SUPT3H: variants seen among roughly 807,000 people sequenced by gnomAD.
SUPT3H encodes the protein SPT3 homolog, SAGA and STAGA complex component.
A neutral mutation model predicts 44.3 loss-of-function variants in SUPT3H; 44 were observed. The observed-to-expected ratio is 0.99, with a 90% CI of 0.78 to 1.28. SUPT3H has a LOEUF of 1.28. Among genes scored for constraint, SUPT3H ranks in the 50% most tolerant of loss-of-function variants. SUPT3H has a pLI of 0.00. For synonymous variants in SUPT3H, 124 were observed against 125.6 expected, an observed-to-expected ratio of 0.99 and a Z score of 0.09; for missense variants, 380 against 387.1, an observed-to-expected ratio of 0.98 and a Z score of 0.15.
chr6:45,068,802 A>T (rs1164886339), intron 3 of SUPT3H, among the ~76,000 whole-genome samples: 1 of 152,070 alleles, frequency 6.6e-6, no homozygotes, highest in Non-Finnish European at 1.5e-5. Context: ...CAATTGTAAC[A>T]TGTTGCCACA....
At chr6:45,214,171 G>A (rs1264369650) in intron 2 of SUPT3H, among the ~76,000 whole-genome samples, 2 of 151,512 alleles carry the variant, frequency 1.3e-5, no homozygotes, top group East Asian at 3.9e-4. Flanking sequence ...CAGCTCAGAA[G>A]GAAAAAATCA....
At chr6:44,918,603 T>C (rs1768168623) in intron 10 of SUPT3H, among the ~76,000 whole-genome samples, 3 of 152,098 alleles carry the variant, frequency 2.0e-5, no homozygotes, top group African/African-American at 4.8e-5. Flanking sequence ...ATTTAACCAA[T>C]AAGATGATTT....
intron 10 of SUPT3H, among the ~76,000 whole-genome samples, chr6:44,890,158 G>A (rs1316115597): frequency 1.1e-3 from 166 of 151,120 alleles, no homozygotes; most frequent in Non-Finnish European, 1.3e-3. Flanking sequence ...TACACTGCTG[G>A]TGGGACTGTA....
intron 6 of SUPT3H, among the ~76,000 whole-genome samples, chr6:44,975,828 C>G (rs932271623): frequency 6.6e-6 from 1 of 151,732 alleles, no homozygotes; most frequent in African/African-American, 2.4e-5. Context: ...AAATGATGAG[C>G]TCATTATTAA....
intron 11 of SUPT3H, among the ~76,000 whole-genome samples, chr6:44,818,218 C>T (rs986347682): frequency 3.3e-5 from 5 of 151,976 alleles, no homozygotes; most frequent in African/African-American, 9.6e-5. Flanking sequence ...GTTTTCTCAA[C>T]GAGTGGTATT....
downstream of SUPT3H, among the ~76,000 whole-genome samples, chr6:44,823,420 T>A (rs953763578): frequency 5.4e-4 from 82 of 152,160 alleles, no homozygotes; most frequent in African/African-American, 1.9e-3. Flanking sequence ...TTTTGCATAC[T>A]GCTAACAGAA....
intron 2 of SUPT3H, among the ~76,000 whole-genome samples, chr6:45,198,231 T>C (rs1472494993): frequency 1.3e-5 from 2 of 151,318 alleles, no homozygotes; most frequent in Non-Finnish European, 3.0e-5. Flanking sequence ...GGAATACATA[T>C]TCTAGTGATG....
At chr6:45,158,298 A>ATATATATATATATTT in intron 2 of SUPT3H, among the ~76,000 whole-genome samples, 6 of 99,686 alleles carry the variant, frequency 6.0e-5, no homozygotes, top group African/African-American at 3.0e-4. Context: ...ATATATATAT[A>ATATATATATATATTT]TTTTTTTTTT....
intron 9 of SUPT3H, among the ~76,000 whole-genome samples, chr6:44,933,762 G>C (rs1274018295): frequency 6.6e-6 from 1 of 152,168 alleles, no homozygotes. Flanking sequence ...TCTGGCCTCA[G>C]CCTCTGAAGT....
Position 45,234,664 on chromosome 6 carries a change from T to G in SUPT3H, c.102-128658A>C, listed in dbSNP as rs1286566162. Among the ~76,000 whole-genome samples, 4 of 152,210 alleles carry G rather than the reference T, an allele frequency of 2.6e-5. No individual in the cohort carries two copies. In the East Asian group the frequency reaches 7.7e-4, roughly 29 times the overall value. The stretch of plus-strand genomic sequence containing the variant: ...ACTGCTGCAATTTTTAAAAACTTAT[T>G]TTTTCCTTACCTAGTCACAACCCTT... On this transcript the variant is annotated intron_variant, in intron 2 of 10. Transcript: ENST00000371459.
chr6:45,343,753 C>G (rs547727676), intron 2 of SUPT3H, among the ~76,000 whole-genome samples: 1 of 152,310 alleles, frequency 6.6e-6, no homozygotes, highest in South Asian at 2.1e-4. Flanking sequence ...GTTCCTGAGA[C>G]AGCTATCCAG....
At chr6:44,897,603 G>T (rs916830213) in intron 10 of SUPT3H, among the ~76,000 whole-genome samples, 1 of 152,054 alleles carries the variant, frequency 6.6e-6, no homozygotes, top group African/African-American at 2.4e-5. Flanking sequence ...CTAAGCAAAG[G>T]CCATGCTTCC....
intron 11 of SUPT3H, among the ~76,000 whole-genome samples, chr6:44,819,985 A>G (rs1422407669): frequency 1.3e-5 from 2 of 152,090 alleles, no homozygotes; most frequent in Non-Finnish European, 2.9e-5. Flanking sequence ...CACTTTGGGA[A>G]GACAAGGTGG....
At chr6:45,252,016 G>A (rs2153653115) in intron 2 of SUPT3H, among the ~76,000 whole-genome samples, 1 of 152,246 alleles carries the variant, frequency 6.6e-6, no homozygotes, top group Middle Eastern at 3.4e-3. Flanking sequence ...TGAGGGAGTG[G>A]AAATAAGAAA....
intron 3 of SUPT3H, among the ~76,000 whole-genome samples, chr6:45,103,975 T>C (rs72869127): frequency 0.22 from 33,230 of 152,006 alleles, 4,439 homozygotes; most frequent in Non-Finnish European, 0.31. Flanking sequence ...TAGAATTCCA[T>C]GTAGGGAAGA....
rs969869912 is a variant in SUPT3H, at chr6:44,847,958, C to CTTT, written c.913-18104_913-18102dup. 1.4e-3 allele frequency among the ~76,000 whole-genome samples: 80 copies of CTTT among 58,394 alleles called. 13 individuals are homozygous for CTTT. Among genetic ancestry groups the CTTT allele is most frequent in the African/African-American group, 3.6e-3 (52 of 14,616 alleles). 38.3% of individuals were successfully genotyped at this position (58,394 alleles called of 152,430 possible). ...CTAGTGTTGACAGTTATCTCTGTGT[C>CTTT]TTTTTTTTTTTTTTTTTTTTTTTTT... On this transcript the variant is annotated intron_variant, in intron 10 of 10. Coordinates refer to ENST00000371459, the MANE Select transcript of SUPT3H (RefSeq NM_003599.4).
intron 2 of SUPT3H, among the ~76,000 whole-genome samples, chr6:45,358,027 G>A (rs1793555113): frequency 6.6e-6 from 1 of 151,976 alleles, no homozygotes; most frequent in African/African-American, 2.4e-5. Context: ...ACTTGCCAAA[G>A]TAGCCAAAAA....
chr6:44,854,202 TA>T (rs1345099836), intron 10 of SUPT3H, among the ~76,000 whole-genome samples: 2 of 152,010 alleles, frequency 1.3e-5, no homozygotes, highest in African/African-American at 4.8e-5. Flanking sequence ...AACAGGGGAA[TA>T]AAAATGAATG....
chr6:45,015,696 T>C (rs994845305), intron 4 of SUPT3H, among the ~76,000 whole-genome samples: 2 of 151,730 alleles, frequency 1.3e-5, no homozygotes, highest in African/African-American at 4.9e-5. Flanking sequence ...TACAAAAACG[T>C]TTTTCCTTTA....
Sources: gnomAD v4.1 joint callset for allele counts (sites outside exome capture counted in the v4.1 genomes callset) on GRCh38, gnomAD v4.1.1 for gene constraint, MANE v1.5 for transcripts, NCBI Gene and HGNC (gene_info 2026-07-23, HGNC 2026-07-21) for gene names.